The following USP32 variants were observed in gnomAD, a reference collection of about 807,000 sequenced individuals.
The protein encoded by USP32 is ubiquitin specific peptidase 32.
Under a neutral mutation model 204.8 loss-of-function variants are expected in USP32, and 59 were observed. That is an observed-to-expected ratio of 0.29 (90% CI 0.23 to 0.36). USP32 has a LOEUF of 0.36. Among genes scored for constraint, USP32 ranks in the 10% least tolerant of loss-of-function variants. The pLI, the probability that USP32 is intolerant of heterozygous loss-of-function variation, is 1.00. For synonymous variants in USP32, 517 were observed against 678.4 expected, an observed-to-expected ratio of 0.76 and a Z score of 3.70; for missense variants, 1,160 against 1,946.4, an observed-to-expected ratio of 0.60 and a Z score of 7.60.
At chr17:60,273,923 G>A (rs1317157965) in intron 5 of USP32, among the ~76,000 whole-genome samples, 1 of 29,056 alleles carries the variant, frequency 3.4e-5, no homozygotes, top group Non-Finnish European at 7.2e-5. Flanking sequence ...TTGCGCCACT[G>A]CACTCCAGCC....
intron 26 of USP32, among the ~76,000 whole-genome samples, chr17:60,200,942 C>T (rs2084660723): frequency 6.6e-6 from 1 of 152,186 alleles, no homozygotes; most frequent in Non-Finnish European, 1.5e-5. Flanking sequence ...TCACTGCAAC[C>T]TCCACCTTCT....
At chr17:60,289,752 C>A (rs1285210853) in intron 4 of USP32, among the ~76,000 whole-genome samples, 1 of 152,002 alleles carries the variant, frequency 6.6e-6, no homozygotes, top group African/African-American at 2.4e-5. Flanking sequence ...TACAATGAAG[C>A]TACAACCTGA....
intron 5 of USP32, among the ~76,000 whole-genome samples, chr17:60,279,645 C>T (rs908372627): frequency 1.4e-4 from 21 of 151,456 alleles, no homozygotes; most frequent in East Asian, 9.7e-4. Flanking sequence ...GAGGCCAGCC[C>T]GGGCAACATG....
chr17:60,353,961 C>A (rs1397711475), intron 1 of USP32, among the ~76,000 whole-genome samples: 1 of 152,180 alleles, frequency 6.6e-6, no homozygotes, highest in Admixed American at 6.5e-5. Context: ...TGCAGTGACA[C>A]AGAATGGATG....
chr17:60,385,518 C>T (rs1439418067), intron 1 of USP32, among the ~76,000 whole-genome samples: 2 of 152,072 alleles, frequency 1.3e-5, no homozygotes, highest in Non-Finnish European at 2.9e-5. Context: ...ACACTCCAAC[C>T]TGGGTGACAG....
At chr17:60,342,094 A>T (rs2088673341) in intron 2 of USP32, among the ~76,000 whole-genome samples, 1 of 152,006 alleles carries the variant, frequency 6.6e-6, no homozygotes, top group Non-Finnish European at 1.5e-5. Context: ...ATTTTGGTGT[A>T]GATGTCCTTT....
chr17:60,278,558 G>T (rs904343338), intron 5 of USP32, among the ~76,000 whole-genome samples: 17 of 151,850 alleles, frequency 1.1e-4, no homozygotes, highest in Non-Finnish European at 2.9e-5. Flanking sequence ...GATAGTAATA[G>T]GACAGAAAGA....
intron 26 of USP32, among the ~76,000 whole-genome samples, chr17:60,200,870 T>G (rs920330370): frequency 6.6e-6 from 1 of 152,240 alleles, no homozygotes; most frequent in Non-Finnish European, 1.5e-5. Flanking sequence ...GTTTGTTTTT[T>G]GTTTTTTGAA....
intron 11 of USP32, chr17:60,249,028 T>C (rs1056897139): frequency 6.6e-6 from 1 of 152,208 alleles, no homozygotes; most frequent in African/African-American, 2.4e-5. Flanking sequence ...TATCTTGCAG[T>C]GTGAAGCTGC....
intron 1 of USP32, 90 bp from the exon 2 acceptor site, chr17:60,345,698 G>C (rs1382070354): frequency 1.3e-6 from 2 of 1,560,750 alleles, no homozygotes. Flanking sequence ...AAGAAAAATT[G>C]AGGCTAGGCA....
intron 27 of USP32, among the ~76,000 whole-genome samples, chr17:60,194,981 A>G (rs1447649089): frequency 6.6e-6 from 1 of 152,220 alleles, no homozygotes; most frequent in East Asian, 1.9e-4. Flanking sequence ...TAAACACTCA[A>G]GAAGTCGAGA....
chr17:60,387,394 A>T (rs187314985), intron 1 of USP32, among the ~76,000 whole-genome samples: 1 of 152,182 alleles, frequency 6.6e-6, no homozygotes, highest in Non-Finnish European at 1.5e-5. Context: ...TTAACACTCA[A>T]TTATTGAGCA....
At chr17:60,306,653 T>A (rs2087731797) in intron 2 of USP32, among the ~76,000 whole-genome samples, 1 of 150,598 alleles carries the variant, frequency 6.6e-6, no homozygotes, top group Non-Finnish European at 1.5e-5. Context: ...AAAAAAAAAA[T>A]GTCTTTAGCT....
intron 2 of USP32, among the ~76,000 whole-genome samples, chr17:60,343,306 T>C (rs1410651833): frequency 2.6e-5 from 4 of 152,138 alleles, no homozygotes; most frequent in Non-Finnish European, 5.9e-5. Flanking sequence ...GCAGACCTAA[T>C]AGAAATCTAC....
At chr17:60,247,656 TTTGC>T (rs1482963670) in intron 11 of USP32, among the ~76,000 whole-genome samples, 1 of 151,572 alleles carries the variant, frequency 6.6e-6, no homozygotes, top group Non-Finnish European at 1.5e-5. Context: ...TGTGGGGGGT[TTTGC>T]TTGTTTGTTT....
intron 1 of USP32, among the ~76,000 whole-genome samples, chr17:60,363,454 C>CAA (rs148426945): frequency 3.7e-4 from 12 of 32,834 alleles, no homozygotes; most frequent in East Asian, 1.1e-3. Context: ...GACTCTGTCT[C>CAA]AAAAAAAAAA....
At chr17:60,199,716 A>G (rs1178609443) in intron 26 of USP32, among the ~76,000 whole-genome samples, 1 of 152,202 alleles carries the variant, frequency 6.6e-6, no homozygotes, top group African/African-American at 2.4e-5. Flanking sequence ...ATATGTTACT[A>G]TTATTATAAG....
chr17:60,308,364 T>C (rs1245718717), intron 2 of USP32, among the ~76,000 whole-genome samples: 1 of 152,098 alleles, frequency 6.6e-6, no homozygotes, highest in African/African-American at 2.4e-5. Context: ...TGCCCATCTG[T>C]ATGTTTCCCT....
At chr17:60,348,765 T>TA (rs111594383) in intron 1 of USP32, among the ~76,000 whole-genome samples, 3,502 of 144,316 alleles carry the variant, frequency 0.024, 150 homozygotes, top group African/African-American at 0.082. Flanking sequence ...GAGACTGTCT[T>TA]AAAAAAAAAA....
Sources: gnomAD v4.1 joint callset for allele counts (sites outside exome capture counted in the v4.1 genomes callset) on GRCh38, gnomAD v4.1.1 for gene constraint, MANE v1.5 for transcripts, NCBI Gene and HGNC (gene_info 2026-07-23, HGNC 2026-07-21) for gene names.